CALN1: variants seen among roughly 807,000 people sequenced by gnomAD.
CALN1 encodes the protein calneuron 1, also known as calcium-binding protein 8.
CALN1 carries 17 observed loss-of-function variants against 30.6 expected under a neutral mutation model. That is an observed-to-expected ratio of 0.56 (90% CI 0.38 to 0.83). The LOEUF (loss-of-function observed/expected upper bound fraction) is 0.83. CALN1 is among the 40% of genes least tolerant of loss of function. The pLI is 0.00. For synonymous variants in CALN1, 156 were observed against 131.4 expected (o/e 1.19, Z -1.28); for missense variants, 291 against 354.9 (o/e 0.82, Z 1.45).
chr7:71,972,098 A>C (rs1053556253), intron 5 of CALN1, among the ~76,000 whole-genome samples: 4 of 152,112 alleles, frequency 2.6e-5, no homozygotes, highest in African/African-American at 9.7e-5. Flanking sequence ...GTGAATACGG[A>C]CGTAGTACCC....
Position 71,784,749 on chromosome 7 carries a change from G to C in CALN1, c.*3026C>G. 1 of 398,552 alleles carries C rather than the reference G, an allele frequency of 2.5e-6. No homozygotes were observed. The highest frequency in any genetic ancestry group is 4.4e-6 in the Non-Finnish European group (1 of 226,060). The allele number at this position is 398,552 out of a possible 1,614,324, so 24.7% of individuals were successfully genotyped here. On this transcript the variant is annotated 3_prime_UTR_variant, in exon 7 of 7. Coordinates refer to ENST00000395275, the MANE Select transcript of CALN1 (RefSeq NM_031468.4). ...AAGGTCACTGGTTCCTAAGTCCGGAGGACAGAATGAGGGGTGAGCTATTCC... is the reference window on the plus strand; with the variant it reads ...AAGGTCACTGGTTCCTAAGTCCGGACGACAGAATGAGGGGTGAGCTATTCC...
chr7:71,978,262 C>CTATTTTTTTTTTT lies in CALN1; in HGVS notation c.501+45394_501+45395insAAAAAAAAAAATA, dbSNP rs1173448154. ...AAAAACTCAGGGACTCTAGAGAATT[C>CTATTTTTTTTTTT]TTTTTTTTTTTTTTTTTTTTTTTTT... On this transcript the variant is annotated intron_variant, in intron 5 of 6. Transcript: ENST00000395275. Among the ~76,000 whole-genome samples, 3 of 72,950 alleles carry CTATTTTTTTTTTT rather than the reference C, an allele frequency of 4.1e-5. 1 individual carries two copies. Among genetic ancestry groups the CTATTTTTTTTTTT allele is most frequent in the Admixed American group, 3.2e-4 (2 of 6,298 alleles). 47.9% of individuals were successfully genotyped at this position (72,950 alleles called of 152,430 possible).
At chr7:71,904,233 A>C (rs1794010774) in intron 5 of CALN1, among the ~76,000 whole-genome samples, 1 of 152,240 alleles carries the variant, frequency 6.6e-6, no homozygotes, top group Admixed American at 6.5e-5. Context: ...CAGTACACTG[A>C]AGAGAATCTG....
In CALN1 at chr7:72,403,334, G is replaced by T. The variant is rs1321910180; in HGVS notation, c.36C>A (p.Pro12=). The part of the protein sequence containing the change: ...RLPEQPGEGK[P]ENEKKGDGGA... Reference sequence around the variant, plus strand: ...CTCCGTCCCCCTTTTTCTCATTCTCGGGCTTCCCCTCTCCGGGTTGCTCTG... The same window carrying T: ...CTCCGTCCCCCTTTTTCTCATTCTCTGGCTTCCCCTCTCCGGGTTGCTCTG... The change falls in exon 2 of 7, where the codon CCC becomes CCA. Residue 12 remains proline (P), a synonymous_variant. Coordinates refer to ENST00000395275, the MANE Select transcript of CALN1 (RefSeq NM_031468.4). The T allele has an allele frequency of 3.9e-6, 6 of 1,549,052 alleles. No individual in the cohort carries two copies. The highest frequency in any genetic ancestry group is 1.7e-4 in the Middle Eastern group (1 of 5,922).
chr7:72,127,031 A>G (rs1406228348), intron 3 of CALN1, among the ~76,000 whole-genome samples: 3 of 151,998 alleles, frequency 2.0e-5, no homozygotes, highest in Admixed American at 1.3e-4. Flanking sequence ...TTGGGCCTCC[A>G]AGGGTAAAAA....
In CALN1 at chr7:72,327,662, G is replaced by A. The variant is rs80215479; in HGVS notation, c.120-48852C>T. 4.8e-3 allele frequency among the ~76,000 whole-genome samples: 738 copies of A among 152,282 alleles called. 2 individuals carry two copies. The highest frequency in any genetic ancestry group is 8.3e-3 in the Non-Finnish European group (566 of 68,016). ...GATAATGAAAAAGTGCACGCGATTTGTAATCGTGATACAAACTTTTGGGAT... is the reference window on the plus strand; with the variant it reads ...GATAATGAAAAAGTGCACGCGATTTATAATCGTGATACAAACTTTTGGGAT... On this transcript the variant is annotated intron_variant, in intron 2 of 6. Transcript: ENST00000395275.
At chr7:72,315,485 T>C (rs944760029) in intron 2 of CALN1, among the ~76,000 whole-genome samples, 3 of 151,960 alleles carry the variant, frequency 2.0e-5, no homozygotes, top group Non-Finnish European at 4.4e-5. Flanking sequence ...GGCGGGAAGA[T>C]CACTTGAACC....
chr7:71,812,008 G>GT (rs1359844025), intron 5 of CALN1, among the ~76,000 whole-genome samples: 44 of 152,276 alleles, frequency 2.9e-4, no homozygotes, highest in African/African-American at 8.9e-4. Context: ...CCAATAAAAT[G>GT]TGAGTAGAAG....
rs1044483167 is a variant in CALN1 at position 72,321,069 on chromosome 7, G to GT, written c.120-42260dup. Reference sequence around the variant, plus strand: ...AGCAGCACTTACATAACCATAAGCTGTAAGTATGCTGCCTCAATCTTTATG... The same window carrying GT: ...AGCAGCACTTACATAACCATAAGCTGTTAAGTATGCTGCCTCAATCTTTATG... On this transcript the variant is annotated intron_variant, in intron 2 of 6. Transcript: ENST00000395275. Among the ~76,000 whole-genome samples, 9 of 152,288 alleles carry GT rather than the reference G, an allele frequency of 5.9e-5. No homozygotes were observed. In the South Asian group the frequency reaches 1.2e-3, roughly 21 times the overall value.
intron 4 of CALN1, among the ~76,000 whole-genome samples, chr7:72,029,559 T>C (rs1219415631): frequency 6.6e-6 from 1 of 152,158 alleles, no homozygotes; most frequent in African/African-American, 2.4e-5. Flanking sequence ...CAAACCATGA[T>C]TAGAACCTTG....
chr7:72,451,279 AAGGGGCGAAGGGAAG>A (rs1808657730), upstream of CALN1, among the ~76,000 whole-genome samples: 1 of 149,056 alleles, frequency 6.7e-6, no homozygotes, highest in African/African-American at 2.5e-5. Flanking sequence ...AAGGAGGAAG[AAGGGGCGAAGGGAAG>A]AGAAGAGGAA....
intron 4 of CALN1, among the ~76,000 whole-genome samples, chr7:72,047,212 C>T (rs935320722): frequency 1.3e-5 from 2 of 152,182 alleles, no homozygotes; most frequent in East Asian, 1.9e-4. Flanking sequence ...TTAAGAAACA[C>T]CTGCTTTGTG....
At chr7:72,430,381 A>G (rs899062846) in intron 1 of CALN1, among the ~76,000 whole-genome samples, 1 of 151,234 alleles carries the variant, frequency 6.6e-6, no homozygotes, top group African/African-American at 2.4e-5. Flanking sequence ...TTTGTGGTCA[A>G]TTTGTAATAC....
chr7:72,176,293 A>T (rs1231941443), intron 3 of CALN1, among the ~76,000 whole-genome samples: 1 of 152,182 alleles, frequency 6.6e-6, no homozygotes, highest in Non-Finnish European at 1.5e-5. Context: ...GGCCTCTTCC[A>T]GCCTGAAGAT....
intron 3 of CALN1, among the ~76,000 whole-genome samples, chr7:72,273,291 G>A (rs1187959215): frequency 6.6e-6 from 1 of 151,684 alleles, no homozygotes; most frequent in African/African-American, 2.4e-5. Flanking sequence ...GCGTGGTGGT[G>A]CATGCCCATA....
chr7:72,325,421 G>A (rs1196632346), intron 2 of CALN1, among the ~76,000 whole-genome samples: 1 of 151,956 alleles, frequency 6.6e-6, no homozygotes, highest in Non-Finnish European at 1.5e-5. Flanking sequence ...GCCAACATAG[G>A]GAAACCCTGT....
the CALN1 span, among the ~76,000 whole-genome samples, chr7:72,491,274 A>G: frequency 6.6e-6 from 1 of 151,882 alleles, no homozygotes; most frequent in African/African-American, 2.4e-5. Flanking sequence ...ATGATGCTCA[A>G]AAATTGGTGG....
chr7:72,332,086 T>C (rs574749702), intron 2 of CALN1, among the ~76,000 whole-genome samples: 2 of 152,302 alleles, frequency 1.3e-5, no homozygotes, highest in Admixed American at 1.3e-4. Flanking sequence ...ACGTTTTCTT[T>C]ATCCAGTCTA....
chr7:72,465,333 T>A, the CALN1 span, among the ~76,000 whole-genome samples: 5 of 152,166 alleles, frequency 3.3e-5, no homozygotes, highest in African/African-American at 1.2e-4. Context: ...CAGTGCTCTG[T>A]CTGCTCCCAA....
Sources: gnomAD v4.1 joint callset for allele counts (sites outside exome capture counted in the v4.1 genomes callset) on GRCh38, gnomAD v4.1.1 for gene constraint, MANE v1.5 for transcripts, NCBI Gene and HGNC (gene_info 2026-07-23, HGNC 2026-07-21) for gene names.